The following INTU variants were observed in gnomAD, a reference collection of about 807,000 sequenced individuals.
INTU encodes protein inturned.
Under a neutral mutation model 100.5 loss-of-function variants are expected in INTU, and 68 were observed. The ratio of observed to expected loss-of-function variants is 0.68; its 90% confidence interval spans 0.56 to 0.83. The LOEUF (loss-of-function observed/expected upper bound fraction) is 0.83, where lower values mean the gene tolerates loss of function less well. Ranked by LOEUF, INTU falls within the 40% of genes least tolerant of loss-of-function variation. The pLI, the probability that INTU is intolerant of heterozygous loss-of-function variation, is 0.00. For missense variants in INTU, 1,071 were observed against 1,114.7 expected (o/e 0.96, Z 0.56); for synonymous variants, 357 against 395.7 (o/e 0.90, Z 1.16).
At chr4:127,669,219 T>C (rs184528631) in intron 5 of INTU, 65 bp downstream of exon 5, 9,070 of 737,094 alleles carry the variant, frequency 0.012, 92 homozygotes, top group Middle Eastern at 0.037. Context: ...CCTGACAAAA[T>C]GCTAAAACAA....
At chr4:127,681,813 G>A (rs1729569724) in intron 6 of INTU, among the ~76,000 whole-genome samples, 2 of 152,002 alleles carry the variant, frequency 1.3e-5, no homozygotes, top group South Asian at 4.1e-4. Flanking sequence ...AGAGTGAACA[G>A]GCAACCTACA....
intron 2 of INTU, 137 bp downstream of exon 2, chr4:127,644,193 G>C: frequency 1.1e-6 from 1 of 928,126 alleles, no homozygotes; most frequent in Non-Finnish European, 1.6e-6. Flanking sequence ...TGGTACAGTA[G>C]AGAAATGGTT....
chr4:127,677,986 G>C (rs551037181), intron 6 of INTU, among the ~76,000 whole-genome samples: 2 of 152,292 alleles, frequency 1.3e-5, no homozygotes, highest in Admixed American at 6.5e-5. Context: ...CAATCAACTG[G>C]AAGAAAGGGT....
At chr4:127,663,111 G>T (rs550383122) in intron 3 of INTU, among the ~76,000 whole-genome samples, 2 of 152,200 alleles carry the variant, frequency 1.3e-5, no homozygotes, top group East Asian at 3.9e-4. Flanking sequence ...AGACTGCAAT[G>T]ATTATGTTTA....
intron 6 of INTU, among the ~76,000 whole-genome samples, chr4:127,679,028 G>C (rs1729377601): frequency 6.6e-6 from 1 of 151,866 alleles, no homozygotes. Flanking sequence ...AATGGTAAAG[G>C]GATCAATTCA....
Position 127,717,201 on chromosome 4 carries a change from C to G in INTU, c.*765C>G, listed in dbSNP as rs896983649. 1.3e-5 allele frequency: 2 copies of G among 152,126 alleles called. No individual in the cohort carries two copies. The highest frequency in any genetic ancestry group is 4.8e-5 in the African/African-American group (2 of 41,428). The allele number at this position is 152,126 out of a possible 1,614,324, so 9.4% of individuals were successfully genotyped here. Reference sequence around the variant, plus strand: ...TCCCCTCCCTTTGTCCATGTGTTCTCATGGTCAGCTCCCACTTATAAGTGA... The same window carrying G: ...TCCCCTCCCTTTGTCCATGTGTTCTGATGGTCAGCTCCCACTTATAAGTGA... On this transcript the variant is annotated 3_prime_UTR_variant, in exon 16 of 16. Transcript: ENST00000335251.
At chr4:127,698,258 C>G in intron 8 of INTU, among the ~76,000 whole-genome samples, 1 of 152,036 alleles carries the variant, frequency 6.6e-6, no homozygotes, top group Non-Finnish European at 1.5e-5. Flanking sequence ...GTCAGGAGTT[C>G]GAGACCATCC....
At position 127,677,314 on chromosome 4, in the gene INTU, C is replaced by T. The variant is rs370167621; in HGVS notation, c.1181+3101C>T. 6.6e-5 allele frequency among the ~76,000 whole-genome samples: 10 copies of T among 151,836 alleles called. No homozygotes were observed. The East Asian group carries it at 9.6e-4, about 15-fold the overall frequency. On this transcript the variant is annotated intron_variant, in intron 6 of 15. Coordinates refer to ENST00000335251, the MANE Select transcript of INTU (RefSeq NM_015693.4). ...ACTGCCTCCTCAAGTGGGTCCCTGA[C>T]CCCTGACCCCCGAGCAGCCTAACTG...
chr4:127,703,494 A>G (rs1730741065), intron 9 of INTU, among the ~76,000 whole-genome samples: 1 of 152,212 alleles, frequency 6.6e-6, no homozygotes, highest in South Asian at 2.1e-4. Context: ...ACACACATGT[A>G]TATAGTTGGT....
intron 15 of INTU, among the ~76,000 whole-genome samples, chr4:127,715,150 A>G (rs749275195): frequency 1.3e-5 from 2 of 152,206 alleles, no homozygotes; most frequent in African/African-American, 2.4e-5. Flanking sequence ...AGATGCGAAC[A>G]GTGGAAATTA....
At chr4:127,712,416 A>G (rs1731126411) in intron 14 of INTU, among the ~76,000 whole-genome samples, 1 of 152,040 alleles carries the variant, frequency 6.6e-6, no homozygotes, top group Non-Finnish European at 1.5e-5. Context: ...TCATTTACTT[A>G]TTTGATAATA....
At chr4:127,644,135 A>G in intron 2 of INTU, 79 bp downstream of exon 2, 6 of 1,398,380 alleles carry the variant, frequency 4.3e-6, no homozygotes, top group Non-Finnish European at 4.9e-6. Flanking sequence ...AATGTGATAA[A>G]AACAATTATA....
chr4:127,679,981 T>C (rs1334079404), intron 6 of INTU, among the ~76,000 whole-genome samples: 4 of 152,108 alleles, frequency 2.6e-5, no homozygotes, highest in Non-Finnish European at 4.4e-5. Context: ...AACACCTCTA[T>C]GCAAATAAAC....
Position 127,704,250 on chromosome 4 carries a change from G to C in INTU, c.1526G>C (p.Arg509Thr). The C allele has an allele frequency of 1.9e-6, 3 of 1,610,536 alleles. No individual in the cohort carries two copies. The highest frequency in any genetic ancestry group is 2.5e-6 in the Non-Finnish European group (3 of 1,178,108). Residue 509 changes from arginine (R) to threonine (T), a missense_variant, in exon 10 of 16, where the codon AGG becomes ACG. By Grantham distance (71) the Arg-to-Thr change is moderately conservative. Coordinates refer to ENST00000335251, the MANE Select transcript of INTU (RefSeq NM_015693.4). ...AELSEDYYDM[R>T]RLYTILGSSL... The stretch of plus-strand genomic sequence containing the variant: ...CAGTCCGAGGATTACTATGACATGA[G>C]GCGGCTGTATACAATTTTGGGGTCT...
intron 3 of INTU, among the ~76,000 whole-genome samples, chr4:127,663,092 C>T (rs1728542209): frequency 6.6e-6 from 1 of 152,038 alleles, no homozygotes; most frequent in East Asian, 1.9e-4. Context: ...TTTTTATAGT[C>T]AACAATTTAG....
intron 4 of INTU, among the ~76,000 whole-genome samples, chr4:127,664,570 T>G (rs1728613344): frequency 6.6e-6 from 1 of 152,104 alleles, no homozygotes; most frequent in Non-Finnish European, 1.5e-5. Context: ...TTAGAATTAT[T>G]AAATCTTCCT....
chr4:127,659,147 G>A (rs970081605), intron 3 of INTU, among the ~76,000 whole-genome samples: 4 of 152,100 alleles, frequency 2.6e-5, no homozygotes, highest in Non-Finnish European at 5.9e-5. Flanking sequence ...ATGAAGCTTC[G>A]CTCACTGGCC....
chr4:127,644,887 ATTTG>A (rs756255929), intron 2 of INTU, among the ~76,000 whole-genome samples: 42 of 152,294 alleles, frequency 2.8e-4, no homozygotes, highest in Non-Finnish European at 4.7e-4. Flanking sequence ...TCTGAATTTC[ATTTG>A]TTTGTTCACT....
intron 8 of INTU, among the ~76,000 whole-genome samples, chr4:127,689,845 A>G (rs1434406748): frequency 1.3e-5 from 2 of 152,172 alleles, no homozygotes; most frequent in African/African-American, 4.8e-5. Flanking sequence ...TTTAAAAGAG[A>G]AAGACCCTGG....
Sources: gnomAD v4.1 joint callset for allele counts (sites outside exome capture counted in the v4.1 genomes callset) on GRCh38, gnomAD v4.1.1 for gene constraint, MANE v1.5 for transcripts, NCBI Gene and HGNC (gene_info 2026-07-23, HGNC 2026-07-21) for gene names.